The following ARHGAP31 variants were observed in gnomAD, a reference collection of about 807,000 sequenced individuals.
The protein encoded by ARHGAP31 is Rho GTPase activating protein 31.
ARHGAP31 carries 34 observed loss-of-function variants against 113.9 expected under a neutral mutation model. That is an observed-to-expected ratio of 0.30 (90% CI 0.23 to 0.40). The LOEUF is 0.40. ARHGAP31 is among the 10% of genes least tolerant of loss of function. ARHGAP31 has a pLI of 1.00. For missense variants in ARHGAP31, 1,548 were observed against 1,767.1 expected (o/e 0.88, Z 2.22); for synonymous variants, 650 against 684.8 (o/e 0.95, Z 0.79).
In ARHGAP31 at chr3:119,390,917, G is replaced by A. The variant is rs1239860405; in HGVS notation, c.815G>A (p.Ser272Asn). The A allele has an allele frequency of 3.1e-6, 5 of 1,614,078 alleles. No individual in the cohort carries two copies. The highest frequency in any genetic ancestry group is 4.2e-6 in the Non-Finnish European group (5 of 1,180,044). The change falls in exon 7 of 12, where the codon AGC (serine) becomes AAC (asparagine). Residue 272 changes from serine (S) to asparagine (N), a missense_variant. By Grantham distance (46) the Ser-to-Asn change is conservative (BLOSUM62 1). Transcript: ENST00000264245. ...GCTCGCAAGGAAAGGAGGGAGAACAGCCTGCCTGAGATTGTCCCTCCCATG... is the reference window on the plus strand; with the variant it reads ...GCTCGCAAGGAAAGGAGGGAGAACAACCTGCCTGAGATTGTCCCTCCCATG... Reference protein sequence around the residue: ...HPARKERRENSLPEIVPPMGT... With the variant: ...HPARKERRENNLPEIVPPMGT...
At chr3:119,351,670 T>C (rs56285588) in intron 1 of ARHGAP31, among the ~76,000 whole-genome samples, 27,211 of 152,106 alleles carry the variant, frequency 0.18, 3,412 homozygotes, top group African/African-American at 0.36. Flanking sequence ...TACATTGTCC[T>C]CATTCTTAAG....
chr3:119,387,169 G>A (rs949606031), intron 6 of ARHGAP31, among the ~76,000 whole-genome samples: 5 of 152,140 alleles, frequency 3.3e-5, no homozygotes, highest in Non-Finnish European at 5.9e-5. Flanking sequence ...TTTTGCTACC[G>A]CTGGACCACA....
intron 6 of ARHGAP31, among the ~76,000 whole-genome samples, chr3:119,383,917 A>G (rs574066247): frequency 1.3e-5 from 2 of 152,318 alleles, no homozygotes; most frequent in South Asian, 2.1e-4. Context: ...GTGTAAATCG[A>G]AATTACCTGA....
intron 6 of ARHGAP31, among the ~76,000 whole-genome samples, chr3:119,389,192 TAACA>T (rs977682702): frequency 2.2e-4 from 33 of 151,708 alleles, no homozygotes; most frequent in African/African-American, 6.3e-4. Flanking sequence ...CTTAACCAAC[TAACA>T]AACAAACAAA....
At chr3:119,385,585 C>T (rs1385340315) in intron 6 of ARHGAP31, among the ~76,000 whole-genome samples, 2 of 152,090 alleles carry the variant, frequency 1.3e-5, no homozygotes, top group African/African-American at 4.8e-5. Context: ...TATTCATTCA[C>T]CCTTTTGAGC....
intron 1 of ARHGAP31, among the ~76,000 whole-genome samples, chr3:119,303,543 C>T (rs193264313): frequency 2.6e-5 from 4 of 152,286 alleles, no homozygotes; most frequent in African/African-American, 9.6e-5. Flanking sequence ...CGCCCATGGC[C>T]TGATGCTGGC....
intron 1 of ARHGAP31, among the ~76,000 whole-genome samples, chr3:119,353,618 G>A (rs1459959269): frequency 1.3e-5 from 2 of 151,952 alleles, no homozygotes; most frequent in East Asian, 3.9e-4. Flanking sequence ...GCCTGGCCAA[G>A]ATGGTGAAAC....
At position 119,353,779 on chromosome 3, in the gene ARHGAP31, C is replaced by A. The variant is rs532271182; in HGVS notation, c.101-11537C>A. Reference sequence around the variant, plus strand: ...CTCCAGCCTGGGTGACAGAGCAAGACTCCATCTCAAAAAAAAAAAAAAAAA... The same window carrying A: ...CTCCAGCCTGGGTGACAGAGCAAGAATCCATCTCAAAAAAAAAAAAAAAAA... On this transcript the variant is annotated intron_variant, in intron 1 of 11. Coordinates refer to ENST00000264245, the MANE Select transcript of ARHGAP31 (RefSeq NM_020754.4). 6.7e-5 allele frequency among the ~76,000 whole-genome samples: 7 copies of A among 103,728 alleles called. No individual in the cohort carries two copies. In the South Asian group the frequency reaches 2.6e-3, roughly 39 times the overall value. 68.0% of individuals were successfully genotyped at this position (103,728 alleles called of 152,430 possible).
rs535164487 is a variant in ARHGAP31, at chr3:119,419,391, C to T, written c.*3127C>T. On this transcript the variant is annotated 3_prime_UTR_variant, in exon 12 of 12. Transcript: ENST00000264245. ...AATCTGAACAAGAACCCCATTAAGA[C>T]ACCTAACCTAATCTAAACCCTAAAA... 1.3e-5 allele frequency: 2 copies of T among 152,308 alleles called. No individual in the cohort carries two copies. The highest frequency in any genetic ancestry group is 2.9e-5 in the Non-Finnish European group (2 of 68,032). The allele number at this position is 152,308 out of a possible 1,614,324, so 9.4% of individuals were successfully genotyped here. A position where few individuals can be genotyped will look rare whatever the true frequency, so the allele number is the denominator to read the frequency against.
chr3:119,368,086 C>G (rs1021324459), intron 2 of ARHGAP31, among the ~76,000 whole-genome samples: 1 of 151,978 alleles, frequency 6.6e-6, no homozygotes, highest in Non-Finnish European at 1.5e-5. Context: ...TGATATTTCC[C>G]CAATGTTCAT....
intron 6 of ARHGAP31, among the ~76,000 whole-genome samples, chr3:119,390,360 T>C (rs2080492638): frequency 6.6e-6 from 1 of 152,204 alleles, no homozygotes; most frequent in Non-Finnish European, 1.5e-5. Flanking sequence ...AGAGGCAGCC[T>C]CCTGCCCTAC....
At chr3:119,325,467 G>C (rs2079832265) in intron 1 of ARHGAP31, among the ~76,000 whole-genome samples, 2 of 152,192 alleles carry the variant, frequency 1.3e-5, no homozygotes, top group Non-Finnish European at 2.9e-5. Flanking sequence ...CTTACCTAAG[G>C]CCACACTGCT....
chr3:119,296,020 T>C (rs1355188602), intron 1 of ARHGAP31, among the ~76,000 whole-genome samples: 1 of 152,208 alleles, frequency 6.6e-6, no homozygotes, highest in Non-Finnish European at 1.5e-5. Flanking sequence ...TGTTTATACA[T>C]AGATAGATAC....
intron 1 of ARHGAP31, among the ~76,000 whole-genome samples, chr3:119,350,189 G>A (rs1327528445): frequency 2.0e-5 from 3 of 152,122 alleles, no homozygotes; most frequent in Non-Finnish European, 4.4e-5. Flanking sequence ...GGGAAGTGCC[G>A]TTGTTTTCAG....
chr3:119,391,603 C>CCCCCCCCCA, intron 7 of ARHGAP31, among the ~76,000 whole-genome samples: 1 of 115,372 alleles, frequency 8.7e-6, no homozygotes, highest in African/African-American at 4.2e-5. Flanking sequence ...CCCCCTCCCC[C>CCCCCCCCCA]CCGCCGTCAC....
chr3:119,335,281 A>G (rs902303458), intron 1 of ARHGAP31, among the ~76,000 whole-genome samples: 3 of 152,214 alleles, frequency 2.0e-5, no homozygotes, highest in Admixed American at 6.5e-5. Flanking sequence ...TCTGAGCCTC[A>G]GTCTTATCAA....
At chr3:119,341,402 T>C (rs911476705) in intron 1 of ARHGAP31, among the ~76,000 whole-genome samples, 2 of 152,200 alleles carry the variant, frequency 1.3e-5, no homozygotes, top group Non-Finnish European at 2.9e-5. Flanking sequence ...CTAAGTGCTT[T>C]CCACAGGTTA....
intron 1 of ARHGAP31, among the ~76,000 whole-genome samples, chr3:119,340,504 T>TTGAAA (rs1341576431): frequency 6.6e-6 from 1 of 152,218 alleles, no homozygotes; most frequent in African/African-American, 2.4e-5. Context: ...TCAAGTGTCT[T>TTGAAA]TGAAAATTAG....
At chr3:119,337,761 C>A (rs2079970931) in intron 1 of ARHGAP31, among the ~76,000 whole-genome samples, 2 of 152,148 alleles carry the variant, frequency 1.3e-5, no homozygotes, top group Admixed American at 1.3e-4. Flanking sequence ...GAAAATTTCT[C>A]CAAGTGCCCT....
Sources: gnomAD v4.1 joint callset for allele counts (sites outside exome capture counted in the v4.1 genomes callset) on GRCh38, gnomAD v4.1.1 for gene constraint, MANE v1.5 for transcripts, NCBI Gene and HGNC (gene_info 2026-07-23, HGNC 2026-07-21) for gene names.